Variants in SRFBP1 observed in about 807,000 individuals in gnomAD.
SRFBP1 encodes serum response factor binding protein 1.
SRFBP1 carries 47 observed loss-of-function variants against 45.5 expected under a neutral mutation model. The ratio of observed to expected loss-of-function variants is 1.03; its 90% CI spans 0.82 to 1.32. The LOEUF (loss-of-function observed/expected upper bound fraction) is 1.32, where lower values mean the gene tolerates loss of function less well. Ranked by LOEUF, SRFBP1 falls within the 40% of genes most tolerant of loss-of-function variation. The pLI is 0.00. For synonymous variants in SRFBP1, 203 were observed against 166.3 expected (o/e 1.22, Z -1.70); for missense variants, 621 against 484.6 (o/e 1.28, Z -2.64).
chr5:122,008,611 A>G (rs1207966397), intron 4 of SRFBP1, among the ~76,000 whole-genome samples: 12 of 151,948 alleles, frequency 7.9e-5, no homozygotes, highest in African/African-American at 2.9e-4. Context: ...TTTCTGTGCT[A>G]TACCTAGGTG....
Position 121,974,242 on chromosome 5 carries a change from T to C in SRFBP1, c.83T>C (p.Ile28Thr), listed in dbSNP as rs1752256735. Residue 28 changes from isoleucine to threonine, a missense_variant, in exon 2 of 8, where the codon ATC becomes ACC. Transcript: ENST00000339397. ...GTGAAGAGAATTCGAGTTTTAGTTA[T>C]CCGAAAACTTGTCAGGAGTGTTGGC... ...KEVKRIRVLV[I>T]RKLVRSVGRL... is the part of the protein sequence containing the mutation. The C allele has an allele frequency of 4.3e-6, 7 of 1,611,640 alleles. No individual in the cohort carries two copies. Among genetic ancestry groups the C allele is most frequent in the East Asian group, 2.2e-5 (1 of 44,776 alleles).
Position 122,020,328 on chromosome 5 carries a change from T to A in SRFBP1, c.593T>A (p.Val198Glu). 3 of 1,613,788 alleles carry A rather than the reference T, an allele frequency of 1.9e-6. No individual in the cohort carries two copies. The highest frequency in any genetic ancestry group is 2.2e-5 in the East Asian group (1 of 44,870). The stretch of plus-strand genomic sequence containing the variant: ...AAGATGGAACATGGACCTAAAGCAG[T>A]GACTATTGCAAATTCTCCATCAAAG... ...IAKMEHGPKA[V>E]TIANSPSKPS... is the part of the protein sequence containing the mutation. Residue 198 changes from valine to glutamate, a missense_variant, in exon 6 of 8, where the codon GTG becomes GAG. Val to Glu is a moderately radical substitution (Grantham distance 121, BLOSUM62 -2). Transcript: ENST00000339397.
intron 3 of SRFBP1, among the ~76,000 whole-genome samples, chr5:121,979,937 C>A (rs968365149): frequency 2.6e-5 from 4 of 152,138 alleles, no homozygotes; most frequent in Non-Finnish European, 5.9e-5. Context: ...GCATCCTTAA[C>A]AAGGGACAGC....
At chr5:122,075,251 G>A in intron 2 of SRFBP1, 2 of 621,404 alleles carry the variant, frequency 3.2e-6, no homozygotes, top group Non-Finnish European at 5.3e-6. Flanking sequence ...TGTAGTAGAT[G>A]GGTTATGTGA....
downstream of SRFBP1, among the ~76,000 whole-genome samples, chr5:122,029,877 T>C (rs761474295): frequency 2.6e-5 from 4 of 152,214 alleles, no homozygotes; most frequent in Non-Finnish European, 4.4e-5. Flanking sequence ...TTCTACTTAA[T>C]TTGGCTAGTG....
intron 2 of SRFBP1, among the ~76,000 whole-genome samples, chr5:121,974,497 G>A (rs558998828): frequency 6.6e-6 from 1 of 151,968 alleles, no homozygotes; most frequent in East Asian, 1.9e-4. Context: ...CAAGATACAG[G>A]ATGAATTTTT....
At chr5:122,004,277 C>G (rs1163475137) in intron 4 of SRFBP1, among the ~76,000 whole-genome samples, 3 of 152,038 alleles carry the variant, frequency 2.0e-5, no homozygotes, top group African/African-American at 7.2e-5. Context: ...ACGTTTTGGC[C>G]TTTAATCCAT....
chr5:122,075,570 A>T, exon 3 of SRFBP1: 1 of 1,460,266 alleles, frequency 6.8e-7, no homozygotes, highest in Non-Finnish European at 9.3e-7. Flanking sequence ...AAAAATTATT[A>T]TATTCATGGA....
intron 7 of SRFBP1, 39 bp from the exon 8 acceptor site, chr5:122,026,903 A>G: frequency 7.3e-7 from 1 of 1,375,328 alleles, no homozygotes. Flanking sequence ...TATGCTCTTT[A>G]AGTATATAGT....
In SRFBP1 at chr5:122,019,161, C is replaced by G; in HGVS notation, c.271-99C>G. On this transcript the variant is annotated intron_variant, in intron 4 of 7. Coordinates refer to ENST00000339397, the MANE Select transcript of SRFBP1 (RefSeq NM_152546.3). ...AATATTAACTAGTTCTATTCTCCAA[C>G]TCTAATTTTAAAGACTATGATAGAT... 3 of 996,714 alleles carry G rather than the reference C, an allele frequency of 3.0e-6. No homozygotes were observed. The South Asian group carries it at 4.3e-5, about 14-fold the overall frequency. 61.7% of individuals were successfully genotyped at this position (996,714 alleles called of 1,614,324 possible). A position where few individuals can be genotyped will look rare whatever the true frequency, so the allele number is the denominator to read the frequency against.
Position 122,027,184 on chromosome 5 carries a change from A to G in SRFBP1, c.*58A>G, listed in dbSNP as rs1342975541. On this transcript the variant is annotated 3_prime_UTR_variant, in exon 8 of 8. Transcript: ENST00000339397. ...AAAAAAAAAATGTTTTTTTTAAGAC[A>G]GGATCTCATTCTGTTGCCCAGACTA... 6 of 1,396,402 alleles carry G rather than the reference A, an allele frequency of 4.3e-6. No individual in the cohort carries two copies. The highest frequency in any genetic ancestry group is 2.9e-5 in the African/African-American group (2 of 69,276). The allele number at this position is 1,396,402 out of a possible 1,614,324, so 86.5% of individuals were successfully genotyped here.
chr5:122,077,839 C>G, downstream of SRFBP1: 1 of 1,552,720 alleles, frequency 6.4e-7, no homozygotes, highest in Non-Finnish European at 8.7e-7. This position sits in a 1 kb window ranked among gnomAD's most constrained non-coding sequence, Gnocchi z 4.9. Flanking sequence ...GCCCGTTGTT[C>G]TCCCATTGGA....
chr5:122,030,252 A>G (rs1462168871), downstream of SRFBP1, among the ~76,000 whole-genome samples: 1 of 152,240 alleles, frequency 6.6e-6, no homozygotes, highest in African/African-American at 2.4e-5. Flanking sequence ...TCCAAGAAGT[A>G]TTTACTAAAG....
chr5:121,985,406 T>C (rs1397384928), intron 3 of SRFBP1, among the ~76,000 whole-genome samples: 1 of 151,848 alleles, frequency 6.6e-6, no homozygotes, highest in Non-Finnish European at 1.5e-5. Flanking sequence ...TAGATTATTT[T>C]GTTAGTTTCT....
chr5:122,051,754 T>A (rs1408730410), intron 2 of SRFBP1, among the ~76,000 whole-genome samples: 1 of 152,174 alleles, frequency 6.6e-6, no homozygotes, highest in Non-Finnish European at 1.5e-5. Flanking sequence ...ACATTTACAT[T>A]CAAGGCGAAT....
chr5:121,985,295 T>C (rs909392762), intron 3 of SRFBP1, among the ~76,000 whole-genome samples: 6 of 151,850 alleles, frequency 4.0e-5, no homozygotes, highest in Non-Finnish European at 8.8e-5. Flanking sequence ...AAACTTTAAT[T>C]TGTATTGCTT....
chr5:122,025,313 A>G (rs960973397), intron 7 of SRFBP1, among the ~76,000 whole-genome samples: 1 of 152,182 alleles, frequency 6.6e-6, no homozygotes, highest in Non-Finnish European at 1.5e-5. Flanking sequence ...ATGGCTGCAT[A>G]GTATTCCATG....
intron 2 of SRFBP1, among the ~76,000 whole-genome samples, chr5:122,059,495 C>T (rs1026550626): frequency 6.6e-6 from 1 of 152,098 alleles, no homozygotes; most frequent in Non-Finnish European, 1.5e-5. Context: ...CTGCACACAT[C>T]TCCCACCTTA....
intron 2 of SRFBP1, among the ~76,000 whole-genome samples, chr5:122,059,237 C>G (rs1026288470): frequency 1.3e-5 from 2 of 152,092 alleles, no homozygotes; most frequent in Admixed American, 6.6e-5. Flanking sequence ...CAGGGTAACT[C>G]CCTGTGGACT....
Sources: allele counts gnomAD v4.1 joint callset (sites outside exome capture counted in the v4.1 genomes callset), GRCh38; gene constraint gnomAD v4.1.1; non-coding constraint Gnocchi (gnomAD v3.1); transcripts MANE v1.5; gene names NCBI Gene and HGNC (gene_info 2026-07-23, HGNC 2026-07-21).